Variants in PID1 observed in about 807,000 individuals in gnomAD.
PID1 encodes phosphotyrosine interaction domain containing 1.
In PID1, 10 loss-of-function variants were observed where a neutral mutation model predicts 19.1. The ratio of observed to expected loss-of-function variants is 0.52; its 90% confidence interval spans 0.32 to 0.89. The LOEUF is 0.89. Ranked by LOEUF, PID1 falls within the 40% of genes least tolerant of loss-of-function variation. The pLI, the probability that PID1 is intolerant of heterozygous loss-of-function variation, is 0.03. For synonymous variants in PID1, 130 were observed against 116.0 expected, an observed-to-expected ratio of 1.12 and a Z score of -0.78; for missense variants, 248 against 285.3, an observed-to-expected ratio of 0.87 and a Z score of 0.94.
At chr2:229,036,692 G>A (rs561060169) in intron 2 of PID1, among the ~76,000 whole-genome samples, 7 of 152,248 alleles carry the variant, frequency 4.6e-5, no homozygotes, top group African/African-American at 1.2e-4. Context: ...AGGTGGCCAT[G>A]AGCTGAAATC....
intron 2 of PID1, among the ~76,000 whole-genome samples, chr2:229,046,387 T>C (rs1237730997): frequency 6.9e-5 from 10 of 145,756 alleles, no homozygotes; most frequent in African/African-American, 2.4e-4. Context: ...TGTGCGTGTG[T>C]GTGTGTGTGT....
intron 2 of PID1, among the ~76,000 whole-genome samples, chr2:229,080,670 C>A (rs182775485): frequency 1.3e-4 from 20 of 152,340 alleles, no homozygotes; most frequent in Admixed American, 1.2e-3. Context: ...CATCTTGCAT[C>A]TTTCAGCCAT....
intron 2 of PID1, among the ~76,000 whole-genome samples, chr2:229,151,601 C>T (rs1249640761): frequency 3.2e-4 from 48 of 148,668 alleles, no homozygotes; most frequent in African/African-American, 4.7e-4. Flanking sequence ...GACGGAGTCT[C>T]GCTCTGTCAC....
In PID1 at chr2:229,261,395, G is replaced by C. The variant is rs144927385; in HGVS notation, c.30+9619C>G. ...CCCATAGCCTCCAGCTCACTTACTA[G>C]GAAACAACCTCAGAAGACTTGGAAA... On this transcript the variant is annotated intron_variant, in intron 1 of 2. Coordinates refer to ENST00000392055, the MANE Select transcript of PID1 (RefSeq NM_001100818.2). Among the ~76,000 whole-genome samples the C allele has an allele frequency of 5.0e-3, 766 of 152,218 alleles. 9 individuals are homozygous for C. Among genetic ancestry groups the C allele is most frequent in the African/African-American group, 0.018 (727 of 41,520 alleles).
chr2:229,233,808 A>G (rs1296292793), intron 1 of PID1, among the ~76,000 whole-genome samples: 1 of 152,180 alleles, frequency 6.6e-6, no homozygotes, highest in Non-Finnish European at 1.5e-5. Context: ...TAGATTTTCT[A>G]TAGTTATTAT....
At chr2:229,094,542 C>A (rs888529504) in intron 2 of PID1, among the ~76,000 whole-genome samples, 1 of 151,990 alleles carries the variant, frequency 6.6e-6, no homozygotes, top group African/African-American at 2.4e-5. Flanking sequence ...TCGAATTATA[C>A]TAAAAGGATA....
intron 2 of PID1, among the ~76,000 whole-genome samples, chr2:229,131,789 C>T (rs962637614): frequency 7.3e-5 from 11 of 151,294 alleles, no homozygotes; most frequent in African/African-American, 2.2e-4. Flanking sequence ...TTCTTAAAAG[C>T]GTTTGTTTTG....
intron 2 of PID1, among the ~76,000 whole-genome samples, chr2:229,149,007 C>T (rs1034262921): frequency 1.3e-5 from 2 of 149,608 alleles, no homozygotes; most frequent in Admixed American, 1.3e-4. Context: ...ATGAAAATAT[C>T]AATGGAAACC....
intron 2 of PID1, among the ~76,000 whole-genome samples, chr2:229,134,227 C>CTTTTTTTTTTTTTT (rs1689807812): frequency 1.0e-5 from 1 of 98,646 alleles, no homozygotes; most frequent in Non-Finnish European, 2.0e-5. Context: ...TGTTTACTAC[C>CTTTTTTTTTTTTTT]TGTGTTTTTT....
intron 1 of PID1, among the ~76,000 whole-genome samples, chr2:229,178,203 T>C (rs999035773): frequency 3.9e-5 from 6 of 152,256 alleles, no homozygotes; most frequent in African/African-American, 1.4e-4. Context: ...CTTTCATACT[T>C]GAGGCGAACA....
chr2:229,030,111 T>C (rs192957232), intron 2 of PID1, among the ~76,000 whole-genome samples: 1 of 152,322 alleles, frequency 6.6e-6, no homozygotes, highest in African/African-American at 2.4e-5. Flanking sequence ...TACTACAACA[T>C]GGATGAATTC....
chr2:229,069,283 A>G (rs2106200599), intron 2 of PID1, among the ~76,000 whole-genome samples: 1 of 152,114 alleles, frequency 6.6e-6, no homozygotes, highest in South Asian at 2.1e-4. Context: ...TGAGGACATT[A>G]AAAAATATCA....
chr2:229,036,552 C>A (rs1180087554), intron 2 of PID1, among the ~76,000 whole-genome samples: 1 of 151,956 alleles, frequency 6.6e-6, no homozygotes, highest in Non-Finnish European at 1.5e-5. Context: ...AGTTCGAGAC[C>A]AGCCTGGCCA....
At chr2:229,177,200 G>A (rs762178308) in intron 1 of PID1, among the ~76,000 whole-genome samples, 2 of 152,124 alleles carry the variant, frequency 1.3e-5, no homozygotes, top group Admixed American at 6.6e-5. Context: ...CTCACAACAC[G>A]TGGGAATGGT....
intron 1 of PID1, among the ~76,000 whole-genome samples, chr2:229,203,395 G>A (rs1301744385): frequency 9.2e-5 from 14 of 151,956 alleles, no homozygotes; most frequent in Non-Finnish European, 5.9e-5. Context: ...AACTTTAAGC[G>A]AAACATACAG....
At chr2:229,250,857 C>T (rs906496372) in intron 1 of PID1, among the ~76,000 whole-genome samples, 6 of 152,066 alleles carry the variant, frequency 3.9e-5, no homozygotes, top group East Asian at 3.9e-4. Context: ...TGGATCTACC[C>T]GGCATTTAAC....
intron 2 of PID1, among the ~76,000 whole-genome samples, chr2:229,045,105 C>T (rs770655506): frequency 6.6e-6 from 1 of 152,090 alleles, no homozygotes; most frequent in Admixed American, 6.6e-5. Context: ...AGGCACCCAC[C>T]ACCACACCCG....
In PID1 at chr2:229,213,874, C is replaced by T. The variant is rs181747102; in HGVS notation, c.30+57140G>A. Among the ~76,000 whole-genome samples, 3 of 152,264 alleles carry T rather than the reference C, an allele frequency of 2.0e-5. No homozygotes were observed. The East Asian group carries it at 5.8e-4, about 29-fold the overall frequency. ...AAGCAGTAAATTCACAATCAAATAC[C>T]ACAAACAACTCTACATAATCTTTAA... On this transcript the variant is annotated intron_variant, in intron 1 of 2. Coordinates refer to ENST00000392055, the MANE Select transcript of PID1 (RefSeq NM_001100818.2).
chr2:229,076,731 T>C (rs192442218), intron 2 of PID1, among the ~76,000 whole-genome samples: 1 of 152,320 alleles, frequency 6.6e-6, no homozygotes, highest in East Asian at 1.9e-4. Flanking sequence ...ACTCACTCTC[T>C]TTTATGGCTG....
Sources: allele counts gnomAD v4.1 joint callset (sites outside exome capture counted in the v4.1 genomes callset), GRCh38; gene constraint gnomAD v4.1.1; transcripts MANE v1.5; gene names NCBI Gene and HGNC (gene_info 2026-07-23, HGNC 2026-07-21).